Variants in PITPNC1 observed in about 807,000 individuals in gnomAD.
PITPNC1 encodes the protein phosphatidylinositol transfer protein cytoplasmic 1.
In PITPNC1, 18 loss-of-function variants were observed where a neutral mutation model predicts 44.7. The observed-to-expected ratio is 0.40, with a 90% CI of 0.28 to 0.60. PITPNC1 has a LOEUF of 0.60. Ranked by LOEUF, PITPNC1 falls within the 20% of genes least tolerant of loss-of-function variation. The pLI, the probability that PITPNC1 is intolerant of heterozygous loss-of-function variation, is 0.39. For synonymous variants in PITPNC1, 141 were observed against 149.6 expected, an observed-to-expected ratio of 0.94 and a Z score of 0.42; for missense variants, 290 against 418.4, an observed-to-expected ratio of 0.69 and a Z score of 2.68.
At chr17:67,662,563 T>C (rs1220264346) in intron 6 of PITPNC1, among the ~76,000 whole-genome samples, 1 of 152,142 alleles carries the variant, frequency 6.6e-6, no homozygotes, top group East Asian at 1.9e-4. Context: ...GAAATTTTGT[T>C]TCTGTTTGCC....
chr17:67,414,874 T>C (rs2038564754), intron 1 of PITPNC1, among the ~76,000 whole-genome samples: 1 of 151,726 alleles, frequency 6.6e-6, no homozygotes. Flanking sequence ...TTGCACATTC[T>C]CTCTTTTTTA....
intron 5 of PITPNC1, among the ~76,000 whole-genome samples, chr17:67,594,549 C>G (rs1225583052): frequency 6.6e-6 from 1 of 152,190 alleles, no homozygotes; most frequent in East Asian, 1.9e-4. Flanking sequence ...GCAGCAGACC[C>G]TCTGCCTTGT....
At chr17:67,588,886 A>T (rs2041355573) in intron 5 of PITPNC1, among the ~76,000 whole-genome samples, 1 of 152,234 alleles carries the variant, frequency 6.6e-6, no homozygotes, top group Non-Finnish European at 1.5e-5. Flanking sequence ...AAAGAAAAAA[A>T]GCATTTGCTT....
intron 1 of PITPNC1, among the ~76,000 whole-genome samples, chr17:67,482,615 T>G (rs1269163758): frequency 6.6e-6 from 1 of 152,162 alleles, no homozygotes; most frequent in Non-Finnish European, 1.5e-5. Context: ...GAATCCACAT[T>G]TGGTATTTCC....
chr17:67,688,097 G>C (rs952482257), intron 8 of PITPNC1, among the ~76,000 whole-genome samples: 3 of 150,446 alleles, frequency 2.0e-5, no homozygotes, highest in Admixed American at 1.3e-4. Flanking sequence ...CCAGCACTTT[G>C]GGAGGCCGAG....
intron 4 of PITPNC1, among the ~76,000 whole-genome samples, chr17:67,555,573 T>C (rs781654648): frequency 3.3e-5 from 5 of 149,846 alleles, no homozygotes; most frequent in Non-Finnish European, 7.4e-5. Flanking sequence ...ACACCTGTAA[T>C]CCCAGCACTT....
intron 1 of PITPNC1, among the ~76,000 whole-genome samples, chr17:67,470,026 G>A (rs1194448435): frequency 5.9e-5 from 9 of 151,954 alleles, no homozygotes; most frequent in Admixed American, 2.0e-4. Flanking sequence ...GGGTTCAAGC[G>A]ATTCTCCTGC....
At chr17:67,559,040 G>A (rs1325120142) in intron 4 of PITPNC1, among the ~76,000 whole-genome samples, 2 of 152,132 alleles carry the variant, frequency 1.3e-5, no homozygotes, top group Non-Finnish European at 2.9e-5. Context: ...AAACTATCTG[G>A]GATAGGAATT....
intron 5 of PITPNC1, among the ~76,000 whole-genome samples, chr17:67,589,541 G>A (rs148943826): frequency 6.6e-6 from 1 of 150,558 alleles, no homozygotes; most frequent in Non-Finnish European, 1.5e-5. Context: ...TGGAGCTAGA[G>A]AGGCAATACC....
intron 5 of PITPNC1, among the ~76,000 whole-genome samples, chr17:67,625,161 A>G (rs527701756): frequency 6.6e-6 from 1 of 152,142 alleles, no homozygotes; most frequent in African/African-American, 2.4e-5. Flanking sequence ...AAAGAGGATA[A>G]ACACTTTTCC....
At chr17:67,580,302 G>T (rs2041211979) in intron 5 of PITPNC1, among the ~76,000 whole-genome samples, 1 of 152,102 alleles carries the variant, frequency 6.6e-6, no homozygotes, top group Admixed American at 6.6e-5. Flanking sequence ...ATAAAGTTCA[G>T]TTGCTTGAAT....
chr17:67,614,686 TAAATATATA>T (rs2041735339), intron 5 of PITPNC1, among the ~76,000 whole-genome samples: 1 of 146,400 alleles, frequency 6.8e-6, no homozygotes, highest in Non-Finnish European at 1.5e-5. Flanking sequence ...AAAAAAAAAA[TAAATATATA>T]AAATAAATAA....
At chr17:67,677,572 C>CT (rs750613337) in intron 8 of PITPNC1, among the ~76,000 whole-genome samples, 7,091 of 144,354 alleles carry the variant, frequency 0.049, 223 homozygotes, top group Middle Eastern at 0.09. Flanking sequence ...TTAGGGACTT[C>CT]TTTTTTTTTT....
chr17:67,647,244 A>C (rs929647196), intron 6 of PITPNC1, among the ~76,000 whole-genome samples: 14 of 152,070 alleles, frequency 9.2e-5, no homozygotes, highest in African/African-American at 2.4e-4. Context: ...TGTAAAAAAA[A>C]CCAAAAACTA....
At chr17:67,682,178 G>A (rs1035717040) in intron 8 of PITPNC1, among the ~76,000 whole-genome samples, 1 of 151,906 alleles carries the variant, frequency 6.6e-6, no homozygotes, top group African/African-American at 2.4e-5. Context: ...TCCAGCCTGG[G>A]GACAGAGTGA....
At chr17:67,465,526 G>GACAATTAAAAA (rs2039412987) in intron 1 of PITPNC1, among the ~76,000 whole-genome samples, 1 of 152,126 alleles carries the variant, frequency 6.6e-6, no homozygotes, top group Non-Finnish European at 1.5e-5. Context: ...TTGGGTTCAG[G>GACAATTAAAAA]GTGCCCAGGA....
At chr17:67,506,437 G>A (rs920490446) in intron 1 of PITPNC1, among the ~76,000 whole-genome samples, 28 of 152,084 alleles carry the variant, frequency 1.8e-4, no homozygotes, top group African/African-American at 6.5e-4. Flanking sequence ...GCCCTCATGG[G>A]GTGGGGAAAG....
At chr17:67,500,495 T>C (rs1335258442) in intron 1 of PITPNC1, among the ~76,000 whole-genome samples, 2 of 152,158 alleles carry the variant, frequency 1.3e-5, no homozygotes, top group Non-Finnish European at 2.9e-5. Flanking sequence ...GGAATACCAT[T>C]AACTGCTTAT....
intron 6 of PITPNC1, among the ~76,000 whole-genome samples, chr17:67,653,998 T>C (rs1360644617): frequency 6.6e-6 from 1 of 152,174 alleles, no homozygotes; most frequent in Non-Finnish European, 1.5e-5. Flanking sequence ...GAGGGCCCCC[T>C]GCTTGGCTGG....
Sources: gnomAD v4.1 joint callset for allele counts (sites outside exome capture counted in the v4.1 genomes callset) on GRCh38, gnomAD v4.1.1 for gene constraint, MANE v1.5 for transcripts, NCBI Gene and HGNC (gene_info 2026-07-23, HGNC 2026-07-21) for gene names.